ROBO1: variants seen among roughly 807,000 people sequenced by gnomAD.
ROBO1 encodes the protein roundabout guidance receptor 1, also known as roundabout homolog 1.
A neutral mutation model predicts 195.9 loss-of-function variants in ROBO1; 149 were observed. The ratio of observed to expected loss-of-function variants is 0.76; its 90% CI spans 0.67 to 0.87. ROBO1 has a LOEUF of 0.87. Ranked by LOEUF, ROBO1 falls within the 40% of genes least tolerant of loss-of-function variation. ROBO1 has a pLI of 0.00. For synonymous variants in ROBO1, 816 were observed against 733.2 expected, an observed-to-expected ratio of 1.11 and a Z score of -1.82; for missense variants, 1,933 against 2,068.3, an observed-to-expected ratio of 0.93 and a Z score of 1.27.
chr3:78,651,779 C>T lies in ROBO1; in HGVS notation c.2765G>A (p.Arg922His), dbSNP rs80104116. 1,170 of 1,613,392 alleles carry T rather than the reference C, an allele frequency of 7.3e-4. 6 individuals carry two copies. In the African/African-American group the frequency reaches 9.5e-3, roughly 13 times the overall value. Reference protein sequence around the residue: ...MVFSIWLYRHRKKRNGLTSTY... With the variant: ...MVFSIWLYRHHKKRNGLTSTY... ...ACTAGTAAGTCCGTTTCTCTTCTTG[C>T]GGTGTCGATAAAGCCAGATGCTGAA... Residue 922 changes from arginine to histidine, a missense_variant, in exon 19 of 31, where the codon CGC (arginine) becomes CAC (histidine). By Grantham distance (29) the Arg-to-His change is conservative. Transcript: ENST00000464233.
intron 2 of ROBO1, among the ~76,000 whole-genome samples, chr3:79,562,878 A>C (rs2107716216): frequency 6.6e-6 from 1 of 152,176 alleles, no homozygotes; most frequent in African/African-American, 2.4e-5. Context: ...TACCTCAGAT[A>C]ATTTATTTTT....
chr3:79,298,149 G>T (rs1047312577), intron 2 of ROBO1, among the ~76,000 whole-genome samples: 14 of 151,982 alleles, frequency 9.2e-5, no homozygotes, highest in Non-Finnish European at 1.6e-4. Flanking sequence ...ATATACCTCT[G>T]GGTAGAGAGA....
intron 1 of ROBO1, among the ~76,000 whole-genome samples, chr3:79,598,982 A>C (rs890467890): frequency 6.6e-6 from 1 of 152,008 alleles, no homozygotes; most frequent in Non-Finnish European, 1.5e-5. Context: ...ACCTATTTAC[A>C]ACCAAGGACT....
At chr3:79,557,594 T>C (rs1440321718) in intron 2 of ROBO1, among the ~76,000 whole-genome samples, 3 of 151,284 alleles carry the variant, frequency 2.0e-5, no homozygotes. Flanking sequence ...ATTAGCCAGG[T>C]TTGGTAGTAA....
intron 3 of ROBO1, among the ~76,000 whole-genome samples, chr3:79,013,751 A>G (rs949412166): frequency 2.0e-5 from 3 of 152,206 alleles, no homozygotes; most frequent in African/African-American, 7.2e-5. Context: ...CTTAGAAATA[A>G]CAGCATATAT....
chr3:78,629,657 C>CAAACAAAACCAACCA (rs1553686372), intron 25 of ROBO1, among the ~76,000 whole-genome samples: 10 of 150,312 alleles, frequency 6.7e-5, no homozygotes, highest in African/African-American at 2.5e-4. Flanking sequence ...AAAACCAAAC[C>CAAACAAAACCAACCA]AACCAAACCA....
At position 78,646,638 on chromosome 3, in the gene ROBO1, G is replaced by A. The variant is rs182421468; in HGVS notation, c.2840-448C>T. Among the ~76,000 whole-genome samples, 495 of 147,896 alleles carry A rather than the reference G, an allele frequency of 3.3e-3. 4 individuals are homozygous for A. The highest frequency in any genetic ancestry group is 3.1e-3 in the Non-Finnish European group (207 of 67,250). ...AAAAAAACTACTAGATTATTTTCCC[G>A]GAAGTATGAGTACCAGTAAGTCAAA... On this transcript the variant is annotated intron_variant, in intron 20 of 30. Transcript: ENST00000464233.
Position 78,631,277 on chromosome 3 carries a change from T to C in ROBO1, c.3510A>G (p.Arg1170=). 1 of 1,613,488 alleles carries C rather than the reference T, an allele frequency of 6.2e-7. No individual in the cohort carries two copies. The highest frequency in any genetic ancestry group is 1.3e-5 in the African/African-American group (1 of 75,042). The part of the protein sequence containing the change: ...SGSQGHKKGA[R]TPKVPKQGGM... The stretch of plus-strand genomic sequence containing the variant: ...CACCCTGTTTTGGTACCTTGGGTGT[T>C]CTTGCCCCTTTCTTGTGCCCCTGAC... Residue 1170 remains arginine (R), a synonymous_variant, in exon 25 of 31, where the codon AGA becomes AGG. Coordinates refer to ENST00000464233, the MANE Select transcript of ROBO1 (RefSeq NM_002941.4).
intron 2 of ROBO1, among the ~76,000 whole-genome samples, chr3:79,252,418 C>A (rs556582971): frequency 6.6e-6 from 1 of 152,040 alleles, no homozygotes; most frequent in Non-Finnish European, 1.5e-5. Context: ...TAAGCTGTCA[C>A]GAACTAAGGA....
chr3:79,394,813 A>G (rs1056375637), intron 2 of ROBO1, among the ~76,000 whole-genome samples: 1 of 152,178 alleles, frequency 6.6e-6, no homozygotes, highest in Non-Finnish European at 1.5e-5. Context: ...AATGTTTTAA[A>G]ATTGGGATCA....
At chr3:79,742,723 T>C (rs1171652645) in intron 1 of ROBO1, among the ~76,000 whole-genome samples, 1 of 152,218 alleles carries the variant, frequency 6.6e-6, no homozygotes, top group Non-Finnish European at 1.5e-5. Flanking sequence ...TTCTCTAAGC[T>C]TGCTGCAGAA....
chr3:79,054,438 A>G (rs542429398), intron 3 of ROBO1, among the ~76,000 whole-genome samples: 3 of 152,246 alleles, frequency 2.0e-5, no homozygotes, highest in Admixed American at 2.0e-4. Context: ...CCATGAGTGT[A>G]AAATGGCCAT....
At chr3:79,506,601 C>T (rs762674458) in intron 2 of ROBO1, among the ~76,000 whole-genome samples, 11 of 152,152 alleles carry the variant, frequency 7.2e-5, no homozygotes, top group Middle Eastern at 3.4e-3. Context: ...TGCACCACCA[C>T]GCCCAGCTAA....
intron 5 of ROBO1, among the ~76,000 whole-genome samples, chr3:78,730,375 G>A (rs1468578208): frequency 8.2e-6 from 1 of 122,570 alleles, no homozygotes; most frequent in Admixed American, 9.5e-5. Context: ...CCATGGCAAA[G>A]TCAAATCAAG....
chr3:79,193,141 T>C (rs115906000), intron 2 of ROBO1, among the ~76,000 whole-genome samples: 61 of 151,702 alleles, frequency 4.0e-4, no homozygotes, highest in African/African-American at 1.4e-3. Flanking sequence ...TGAATGGATA[T>C]AGCAAGAAGT....
chr3:78,808,674 G>A (rs1000231302), intron 4 of ROBO1, among the ~76,000 whole-genome samples: 1 of 152,152 alleles, frequency 6.6e-6, no homozygotes, highest in Non-Finnish European at 1.5e-5. Flanking sequence ...AATCCTCAGA[G>A]ACCTCAGAAA....
At chr3:78,604,653 T>TTCATACAACAGAAGTAA (rs1176263531) in intron 29 of ROBO1, among the ~76,000 whole-genome samples, 2 of 152,196 alleles carry the variant, frequency 1.3e-5, no homozygotes, top group Non-Finnish European at 2.9e-5. Context: ...TGTGAGTCTA[T>TTCATACAACAGAAGTAA]GCCTGGATTA....
At position 78,863,056 on chromosome 3, in the gene ROBO1, A is replaced by C. The variant is rs956726908; in HGVS notation, c.499+75545T>G. Among the ~76,000 whole-genome samples, 5 of 152,230 alleles carry C rather than the reference A, an allele frequency of 3.3e-5. No homozygotes were observed. In the South Asian group the frequency reaches 1.0e-3, roughly 32 times the overall value. On this transcript the variant is annotated intron_variant, in intron 4 of 30. Transcript: ENST00000464233. ...TTCTATAGCAGTTTAATATCTAGAAAAACAACAACAGTGATTACGGAAAGT... is the reference window on the plus strand; with the variant it reads ...TTCTATAGCAGTTTAATATCTAGAACAACAACAACAGTGATTACGGAAAGT...
intron 2 of ROBO1, among the ~76,000 whole-genome samples, chr3:79,580,752 A>C (rs1287692754): frequency 6.6e-6 from 1 of 152,156 alleles, no homozygotes; most frequent in Non-Finnish European, 1.5e-5. Flanking sequence ...CACTATATAC[A>C]TGTGGTCACA....
Sources: gnomAD v4.1 joint callset for allele counts (sites outside exome capture counted in the v4.1 genomes callset) on GRCh38, gnomAD v4.1.1 for gene constraint, MANE v1.5 for transcripts, NCBI Gene and HGNC (gene_info 2026-07-23, HGNC 2026-07-21) for gene names.